MYO3B: variants seen among roughly 807,000 people sequenced by gnomAD.
MYO3B encodes the protein myosin-IIIb.
Under a neutral mutation model 174.6 loss-of-function variants are expected in MYO3B, and 156 were observed. The ratio of observed to expected loss-of-function variants is 0.89; its 90% CI spans 0.78 to 1.02. The LOEUF is 1.02. MYO3B is among the 50% of genes least tolerant of loss of function. The pLI, the probability that MYO3B is intolerant of heterozygous loss-of-function variation, is 0.00. For synonymous variants in MYO3B, 563 were observed against 569.1 expected, an observed-to-expected ratio of 0.99 and a Z score of 0.15; for missense variants, 1,632 against 1,639.4, an observed-to-expected ratio of 1.00 and a Z score of 0.08.
At chr2:170,568,615 C>T (rs560637986) in intron 32 of MYO3B, among the ~76,000 whole-genome samples, 32 of 152,272 alleles carry the variant, frequency 2.1e-4, no homozygotes, top group African/African-American at 6.5e-4. Context: ...TTTGCCCCAC[C>T]ACATTCTGCA....
chr2:170,199,341 A>G lies in MYO3B; in HGVS notation c.136A>G (p.Asn46Asp). 1.9e-6 allele frequency: 3 copies of G among 1,613,316 alleles called. No homozygotes were observed. Among genetic ancestry groups the G allele is most frequent in the Non-Finnish European group, 2.5e-6 (3 of 1,179,606 alleles). The change falls in exon 2 of 35, where the codon AAC (asparagine) becomes GAC (aspartate). Residue 46 changes from asparagine to aspartate, a missense_variant. Coordinates refer to ENST00000408978, the MANE Select transcript of MYO3B (RefSeq NM_138995.5). ...GTYGKVYKVT[N>D]KRDGSLAAVK... ...CTATGGCAAAGTCTACAAGGTAACT[A>G]ACAAGAGAGATGGGAGCCTGGCTGC...
chr2:170,213,044 T>C (rs1468338070), intron 3 of MYO3B, among the ~76,000 whole-genome samples: 2 of 152,316 alleles, frequency 1.3e-5, no homozygotes, highest in East Asian at 3.9e-4. Flanking sequence ...TCAGGGTATT[T>C]CCATGCTCTG....
At chr2:170,300,252 G>A (rs1298839111) in intron 7 of MYO3B, among the ~76,000 whole-genome samples, 2 of 152,180 alleles carry the variant, frequency 1.3e-5, no homozygotes, top group Non-Finnish European at 1.5e-5. Context: ...CTAGGTGAAA[G>A]CCTTTGAAAA....
At chr2:170,480,306 G>A (rs1445643452) in intron 25 of MYO3B, among the ~76,000 whole-genome samples, 1 of 152,108 alleles carries the variant, frequency 6.6e-6, no homozygotes, top group Non-Finnish European at 1.5e-5. Context: ...ATCACAGGGG[G>A]AGGAATGCTG....
At chr2:170,235,925 G>C in intron 6 of MYO3B, 66 bp from the exon 7 acceptor site, 1 of 1,600,730 alleles carries the variant, frequency 6.2e-7, no homozygotes, top group South Asian at 1.1e-5. Flanking sequence ...GATCAGCCCA[G>C]GGCCTTTTTA....
At position 170,403,948 on chromosome 2, in the gene MYO3B, A is replaced by AT. The variant is rs539072434; in HGVS notation, c.2278-289dup. ...TAAACAATATTTCTCACCAAAATAA[A>AT]TTTTTTTTTTCAGCTTCACTTCCTT... On this transcript the variant is annotated intron_variant, in intron 19 of 34. Coordinates refer to ENST00000408978, the MANE Select transcript of MYO3B (RefSeq NM_138995.5). Among the ~76,000 whole-genome samples the AT allele has an allele frequency of 3.1e-4, 47 of 150,940 alleles. No individual in the cohort carries two copies. In the East Asian group the frequency reaches 7.4e-3, roughly 24 times the overall value.
chr2:170,526,126 G>T (rs769038895), intron 30 of MYO3B, among the ~76,000 whole-genome samples: 31 of 152,156 alleles, frequency 2.0e-4, no homozygotes, highest in Non-Finnish European at 1.0e-4. Context: ...TGACAGACCT[G>T]GGTTTGAATC....
chr2:170,237,535 G>GT (rs1452761805), intron 7 of MYO3B, among the ~76,000 whole-genome samples: 2 of 151,110 alleles, frequency 1.3e-5, no homozygotes, highest in African/African-American at 4.9e-5. Flanking sequence ...GTTTTTGGCG[G>GT]GGGGGAGGGG....
At chr2:170,278,175 G>T (rs1225621996) in intron 7 of MYO3B, among the ~76,000 whole-genome samples, 1 of 152,118 alleles carries the variant, frequency 6.6e-6, no homozygotes, top group Non-Finnish European at 1.5e-5. Context: ...ACAATATGGC[G>T]ATAGTGACAT....
chr2:170,390,672 T>C (rs2094405578), intron 14 of MYO3B, among the ~76,000 whole-genome samples: 2 of 152,048 alleles, frequency 1.3e-5, no homozygotes, highest in Non-Finnish European at 2.9e-5. Context: ...TTTGCCAAAA[T>C]CCAAGGGTAT....
chr2:170,466,857 G>T, intron 25 of MYO3B, 146 bp downstream of exon 25: 2 of 821,022 alleles, frequency 2.4e-6, no homozygotes, highest in Admixed American at 5.5e-5. Context: ...CTTGAATGTT[G>T]CATTTTTATT....
Position 170,215,887 on chromosome 2 carries a change from T to C in MYO3B, c.526+1059T>C, listed in dbSNP as rs929762596. Among the ~76,000 whole-genome samples the C allele has an allele frequency of 1.4e-4, 22 of 152,328 alleles. 1 individual carries two copies. The highest frequency in any genetic ancestry group is 5.1e-4 in the African/African-American group (21 of 41,572). ...GAAAGGATGAGGATGGGGTGGGAAT[T>C]GATACTGATGTATTCACTCAGCAGC... On this transcript the variant is annotated intron_variant, in intron 5 of 34. Transcript: ENST00000408978.
At position 170,551,382 on chromosome 2, in the gene MYO3B, T is replaced by TTATTTATTTATTTATC. The variant is rs1198701361; in HGVS notation, c.3733+7399_3733+7400insATTTATTTATCTATTT. Among the ~76,000 whole-genome samples, 452 of 138,766 alleles carry TTATTTATTTATTTATC rather than the reference T, an allele frequency of 3.3e-3. 3 individuals carry two copies. Among genetic ancestry groups the TTATTTATTTATTTATC allele is most frequent in the Middle Eastern group, 0.015 (4 of 272 alleles). The allele number at this position is 138,766 out of a possible 152,430, so 91.0% of individuals were successfully genotyped here. A position where few individuals can be genotyped will look rare whatever the true frequency, so the allele number is the denominator to read the frequency against. On this transcript the variant is annotated intron_variant, in intron 32 of 34. Transcript: ENST00000408978. ...TTTATTTATTTATTTATTTATTTAT[T>TTATTTATTTATTTATC]TATTTTTAGGTGGAGTCTTACTCTG...
At chr2:170,508,161 G>T (rs377195269) in intron 28 of MYO3B, among the ~76,000 whole-genome samples, 1 of 152,038 alleles carries the variant, frequency 6.6e-6, no homozygotes, top group African/African-American at 2.4e-5. Flanking sequence ...TTCAGAGGAC[G>T]CCAGGGTTAG....
intron 34 of MYO3B, 33 bp downstream of exon 34, chr2:170,652,187 G>A (rs373199910): frequency 6.3e-7 from 1 of 1,590,912 alleles, no homozygotes; most frequent in East Asian, 2.2e-5. Flanking sequence ...CTAAGCAACT[G>A]TAAACAGAAG....
At chr2:170,527,900 G>C (rs1364068292) in intron 30 of MYO3B, among the ~76,000 whole-genome samples, 1 of 152,232 alleles carries the variant, frequency 6.6e-6, no homozygotes, top group Non-Finnish European at 1.5e-5. Flanking sequence ...AGCACTCACA[G>C]AATCCAGAAT....
At chr2:170,592,548 G>A (rs188445059) in intron 32 of MYO3B, among the ~76,000 whole-genome samples, 26 of 152,274 alleles carry the variant, frequency 1.7e-4, no homozygotes, top group Non-Finnish European at 2.6e-4. Context: ...TGAATTGGCC[G>A]GCAAAGAGAA....
At chr2:170,457,432 ATCT>A (rs1021925303) in intron 23 of MYO3B, among the ~76,000 whole-genome samples, 24 of 152,106 alleles carry the variant, frequency 1.6e-4, no homozygotes, top group African/African-American at 5.5e-4. Context: ...CTGTACAAAA[ATCT>A]TCTTTCTTTA....
chr2:170,330,106 C>T (rs370539793), intron 7 of MYO3B, among the ~76,000 whole-genome samples: 2 of 152,174 alleles, frequency 1.3e-5, no homozygotes, highest in African/African-American at 4.8e-5. Flanking sequence ...CCCTCCTCCC[C>T]TAGTTAGCTG....
Sources: gnomAD v4.1 joint callset for allele counts (sites outside exome capture counted in the v4.1 genomes callset) on GRCh38, gnomAD v4.1.1 for gene constraint, MANE v1.5 for transcripts, NCBI Gene and HGNC (gene_info 2026-07-23, HGNC 2026-07-21) for gene names.